BAG6: variants seen among roughly 807,000 people sequenced by gnomAD.
BAG6 encodes large proline-rich protein BAG6.
A neutral mutation model predicts 121.0 loss-of-function variants in BAG6; 22 were observed. That is an observed-to-expected ratio of 0.18 (90% CI 0.13 to 0.26). The LOEUF (loss-of-function observed/expected upper bound fraction) is 0.26, where lower values mean the gene tolerates loss of function less well. BAG6 is among the 10% of genes least tolerant of loss of function. BAG6 has a pLI of 1.00. For missense variants in BAG6, 1,233 were observed against 1,537.7 expected (o/e 0.80, Z 3.31); for synonymous variants, 583 against 584.6 (o/e 1.00, Z 0.04).
chr6:31,651,926 C>T, intron 1 of BAG6, 150 bp from the exon 2 acceptor site: 2 of 570,470 alleles, frequency 3.5e-6, no homozygotes, highest in Non-Finnish European at 6.4e-6. Context: ...CTTCTGATTC[C>T]GGGGCACAGG....
chr6:31,646,677 C>T (rs1266092091), intron 7 of BAG6, among the ~76,000 whole-genome samples, 154 bp from the exon 8 acceptor site: 1 of 151,990 alleles, frequency 6.6e-6, no homozygotes. Flanking sequence ...TCTCTTCAAC[C>T]TCCGCCTCCC....
At chr6:31,649,425 T>A in intron 3 of BAG6, 30 bp from the exon 4 acceptor site, 1 of 1,606,394 alleles carries the variant, frequency 6.2e-7, no homozygotes, top group Non-Finnish European at 8.5e-7. Context: ...CACCAAAACA[T>A]AGTATGAACA....
chr6:31,641,678 T>A lies in BAG6; in HGVS notation c.2506-86A>T, dbSNP rs928029422. The stretch of plus-strand genomic sequence containing the variant: ...GACCCCAACAAGTCCAGGGCTTGTG[T>A]GGGGGCAATTGGAGCTTTACCTGGC... On this transcript the variant is annotated intron_variant, in intron 17 of 25. Coordinates refer to ENST00000676615, the MANE Select transcript of BAG6 (RefSeq NM_001387994.1). The surrounding 1 kb of genome is among the most constrained non-coding windows in gnomAD (Gnocchi z 5.7). 3.1e-6 allele frequency: 5 copies of A among 1,609,068 alleles called. No homozygotes were observed. The African/African-American group carries it at 4.0e-5, about 13-fold the overall frequency.
At chr6:31,643,865 T>C (rs1434376410) in intron 14 of BAG6, 25 bp downstream of exon 14, 1 of 1,609,596 alleles carries the variant, frequency 6.2e-7, no homozygotes, top group African/African-American at 1.3e-5. Flanking sequence ...GTTTAAACTC[T>C]GAGTGGGGAA....
chr6:31,639,453 C>A, intron 25 of BAG6, 47 bp downstream of exon 25: 1 of 1,583,902 alleles, frequency 6.3e-7, no homozygotes, highest in South Asian at 1.1e-5. Flanking sequence ...GGGACCCTAG[C>A]CCAACCCCTC....
In BAG6 at chr6:31,641,822, TG is replaced by T. The variant is rs763200898; in HGVS notation, c.2458del (p.His820ThrfsTer22). 1 of 1,612,958 alleles carries T rather than the reference TG, an allele frequency of 6.2e-7. No individual in the cohort carries two copies. The highest frequency in any genetic ancestry group is 8.5e-7 in the Non-Finnish European group (1 of 1,180,004). ...CTCCTGACCACCCAGGTAGTGCTGG[TG>T]GAAGAAGGATCGCAGCTGGGGCTGG... ...RLQPQLRSFF[H>X]QHYLGGQEPT... On this transcript the variant is annotated frameshift_variant, in exon 17 of 26. Coordinates refer to ENST00000676615, the MANE Select transcript of BAG6 (RefSeq NM_001387994.1). LOFTEE classifies it high-confidence loss of function. This position sits in a 1 kb window ranked among gnomAD's most constrained non-coding sequence, Gnocchi z 5.7.
chr6:31,648,077 A>G (rs1279689405), intron 6 of BAG6, among the ~76,000 whole-genome samples: 1 of 149,398 alleles, frequency 6.7e-6, no homozygotes, highest in Non-Finnish European at 1.5e-5. Context: ...GTGCAGTGGC[A>G]TGATCTCAGC....
At chr6:31,647,389 C>T (rs987931671) in intron 7 of BAG6, among the ~76,000 whole-genome samples, 4 of 152,178 alleles carry the variant, frequency 2.6e-5, no homozygotes, top group East Asian at 1.9e-4. Flanking sequence ...ATTTCCTTGC[C>T]GTAGGGAGAG....
Position 31,639,114 on chromosome 6 carries a change from GGCCATAGAGC to G in BAG6, c.*7_*16del. On this transcript the variant is annotated 3_prime_UTR_variant, in exon 26 of 26. Transcript: ENST00000676615. The stretch of plus-strand genomic sequence containing the variant: ...GGGAAACGGTCCCCTGATGAGGAAG[GGCCATAGAGC>G]AAAGAGCTAAGGATCATCAGCAAAG... 1 of 1,593,758 alleles carries G rather than the reference GGCCATAGAGC, an allele frequency of 6.3e-7. No homozygotes were observed. Among genetic ancestry groups the G allele is most frequent in the South Asian group, 1.1e-5 (1 of 90,370 alleles).
Position 31,643,027 on chromosome 6 carries a change from G to A in BAG6, c.1845C>T (p.Gly615=). The A allele has an allele frequency of 6.3e-7, 1 of 1,588,826 alleles. No homozygotes were observed. The highest frequency in any genetic ancestry group is 8.6e-7 in the Non-Finnish European group (1 of 1,169,038). Reference sequence around the variant, plus strand: ...GCTGGGCAGGCCCCCCAGGAGCGGGGCCAGCTGTGGTAGCTGTGTTGGTGG... The same window carrying A: ...GCTGGGCAGGCCCCCCAGGAGCGGGACCAGCTGTGGTAGCTGTGTTGGTGG... ...AGTTNTATTA[G]PAPGGPAQPP... is the part of the protein sequence containing the mutation. Residue 615 remains glycine (G), a synonymous_variant, in exon 15 of 26, where the codon GGC becomes GGT. Transcript: ENST00000676615.
rs1207761088 is a variant in BAG6 at position 31,642,169 on chromosome 6, T to C, written c.2278A>G (p.Ile760Val). Residue 760 changes from isoleucine (I) to valine (V), a missense_variant, in exon 16 of 26, where the codon ATA becomes GTA. By Grantham distance (29) the Ile-to-Val change is conservative. Around this residue, in one of 7 missense-constraint regions of BAG6, gnomAD observed 288 missense variants for 483.1 expected, o/e 0.60. Coordinates refer to ENST00000676615, the MANE Select transcript of BAG6 (RefSeq NM_001387994.1). The part of the protein sequence containing the change: ...AGSSESIAAF[I>V]QRLSGSSNIF... ...TTGCTGGATCCACTGAGGCGTTGTA[T>C]GAAGGCAGCAATACTTTCACTGCTG... 6.2e-7 allele frequency: 1 copy of C among 1,612,814 alleles called. No homozygotes were observed. The highest frequency in any genetic ancestry group is 2.2e-5 in the East Asian group (1 of 44,888).
In BAG6 at chr6:31,641,817, G is replaced by A. The variant is rs1438067047; in HGVS notation, c.2464C>T (p.His822Tyr). ...QPQLRSFFHQ[H>Y]YLGGQEPTPS... ...GTGGGCTCCTGACCACCCAGGTAGT[G>A]CTGGTGGAAGAAGGATCGCAGCTGG... The change falls in exon 17 of 26, where the codon CAC (histidine) becomes TAC (tyrosine). Residue 822 changes from histidine to tyrosine, a missense_variant. Around this residue, in one of 7 missense-constraint regions of BAG6, gnomAD observed 288 missense variants for 483.1 expected, o/e 0.60. Coordinates refer to ENST00000676615, the MANE Select transcript of BAG6 (RefSeq NM_001387994.1). This position sits in a 1 kb window ranked among gnomAD's most constrained non-coding sequence, Gnocchi z 5.7. 6.2e-7 allele frequency: 1 copy of A among 1,613,128 alleles called. No individual in the cohort carries two copies. The highest frequency in any genetic ancestry group is 1.1e-5 in the South Asian group (1 of 91,088).
rs1295636031 is a variant in BAG6 at position 31,641,908 on chromosome 6, G to A, written c.2373C>T (p.Asn791=). The A allele has an allele frequency of 3.7e-6, 6 of 1,612,882 alleles. No individual in the cohort carries two copies. The highest frequency in any genetic ancestry group is 4.2e-6 in the Non-Finnish European group (5 of 1,180,028). ...FGALLSLLCQ[N]FSMVDVVMLL... Reference sequence around the variant, plus strand: ...GCATCACTACGTCCACCATAGAGAAGTTCTGGCACAGAAGAGAAAGCAAGG... The same window carrying A: ...GCATCACTACGTCCACCATAGAGAAATTCTGGCACAGAAGAGAAAGCAAGG... Residue 791 remains asparagine, a synonymous_variant, in exon 17 of 26, where the codon AAC becomes AAT. Transcript: ENST00000676615. This position sits in a 1 kb window ranked among gnomAD's most constrained non-coding sequence, Gnocchi z 5.7.
chr6:31,640,259 C>T lies in BAG6; in HGVS notation c.3186G>A (p.Val1062=), dbSNP rs761698736. 9.9e-6 allele frequency: 16 copies of T among 1,614,114 alleles called. No individual in the cohort carries two copies. Among genetic ancestry groups the T allele is most frequent in the African/African-American group, 9.3e-5 (7 of 74,936 alleles). Residue 1062 remains valine (V), a synonymous_variant, in exon 24 of 26, where the codon GTG becomes GTA. Transcript: ENST00000676615. This position sits in a 1 kb window ranked among gnomAD's most constrained non-coding sequence, Gnocchi z 4.2. ...CATCACTCAGAGGGGGCTGCGGTTTCACCTTCCGCTGGCTCTGAATGTCCT... is the reference window on the plus strand; with the variant it reads ...CATCACTCAGAGGGGGCTGCGGTTTTACCTTCCGCTGGCTCTGAATGTCCT... The part of the protein sequence containing the change: ...IQQDIQSQRK[V]KPQPPLSDAY...
In BAG6 at chr6:31,644,873, T is replaced by C. The variant is rs951978421; in HGVS notation, c.1369+73A>G. 37 of 1,533,904 alleles carry C rather than the reference T, an allele frequency of 2.4e-5. No individual in the cohort carries two copies. The highest frequency in any genetic ancestry group is 3.1e-5 in the Non-Finnish European group (35 of 1,141,030). The stretch of plus-strand genomic sequence containing the variant: ...GCATGTGCCTCTCCCTTCCCCACCC[T>C]GTTCCCTCACACCTCAGCATGAACC... On this transcript the variant is annotated intron_variant, in intron 10 of 25. Coordinates refer to ENST00000676615, the MANE Select transcript of BAG6 (RefSeq NM_001387994.1). This position sits in a 1 kb window ranked among gnomAD's most constrained non-coding sequence, Gnocchi z 4.9.
rs146784903 is a variant in BAG6 at position 31,643,903 on chromosome 6, C to T, written c.1743G>A (p.Gln581=). The change falls in exon 14 of 26, where the codon CAG becomes CAA. Residue 581 remains glutamine, a synonymous_variant. Coordinates refer to ENST00000676615, the MANE Select transcript of BAG6 (RefSeq NM_001387994.1). ...VSGLVGQLLM[Q]PVLVAQGTPG... ...ATGAAAACTCACCCACAAGGACTGG[C>T]TGCATAAGAAGCTGCCCCACAAGGC... 2,652 of 1,613,224 alleles carry T rather than the reference C, an allele frequency of 1.6e-3. 4 individuals are homozygous for T. The highest frequency in any genetic ancestry group is 2.0e-3 in the Non-Finnish European group (2,362 of 1,180,008).
chr6:31,646,168 T>C (rs1788932158), intron 8 of BAG6, among the ~76,000 whole-genome samples: 5 of 152,092 alleles, frequency 3.3e-5, no homozygotes, highest in Admixed American at 3.3e-4. Flanking sequence ...ATATTTTCAG[T>C]AGAGATGGGG....
intron 24 of BAG6, 167 bp from the exon 25 acceptor site, chr6:31,639,813 A>C: frequency 1.1e-6 from 1 of 893,020 alleles, no homozygotes; most frequent in Non-Finnish European, 1.6e-6. Flanking sequence ...ATGCCTTCCT[A>C]ATTCTCTTTG....
rs1004831111 is a variant in BAG6 at position 31,644,570 on chromosome 6, C to T, written c.1402G>A (p.Ala468Thr). 1 of 1,612,554 alleles carries T rather than the reference C, an allele frequency of 6.2e-7. No individual in the cohort carries two copies. Among genetic ancestry groups the T allele is most frequent in the African/African-American group, 1.3e-5 (1 of 74,984 alleles). ...GGGGGTCCCAGGGGGCCAGTGGGAG[C>T]ACTCGGAACACCACCAGGCTGTGTG... ...SGTQPGGVPSAPTGPLGPPGH... is the reference protein window; with the variant it reads ...SGTQPGGVPSTPTGPLGPPGH... The change falls in exon 11 of 26, where the codon GCT becomes ACT. Residue 468 changes from alanine to threonine, a missense_variant. Coordinates refer to ENST00000676615, the MANE Select transcript of BAG6 (RefSeq NM_001387994.1). This position sits in a 1 kb window ranked among gnomAD's most constrained non-coding sequence, Gnocchi z 4.9.
Sources: gnomAD v4.1 joint callset for allele counts (sites outside exome capture counted in the v4.1 genomes callset) on GRCh38, gnomAD v4.1.1 for gene constraint, gnomAD v4.1.1 regional missense constraint, Gnocchi (gnomAD v3.1) non-coding constraint, MANE v1.5 for transcripts, NCBI Gene and HGNC (gene_info 2026-07-23, HGNC 2026-07-21) for gene names.